The following ZBTB47 variants were observed in gnomAD, a reference collection of about 807,000 sequenced individuals.
ZBTB47 encodes the protein zinc finger and BTB domain-containing protein 47.
Under a neutral mutation model 56.6 loss-of-function variants are expected in ZBTB47, and 24 were observed. That is an observed-to-expected ratio of 0.42 (90% CI 0.31 to 0.60). The LOEUF is 0.60. Ranked by LOEUF, ZBTB47 falls within the 20% of genes least tolerant of loss-of-function variation. ZBTB47 has a pLI of 0.14. For synonymous variants in ZBTB47, 414 were observed against 418.9 expected (o/e 0.99, Z 0.14); for missense variants, 829 against 1,032.6 (o/e 0.80, Z 2.70).
In ZBTB47 at chr3:42,659,281, GCAGT is replaced by G. The variant is rs1559607067; in HGVS notation, c.930_933del (p.Ser310ArgfsTer118). ...GAGGAGGAGGAGGAGGAAGAGGGTG[GCAGT>G]CAGGGAGAAGAGGAAGAAGAGGAGG... On this transcript the variant is annotated frameshift_variant, in exon 2 of 6. Coordinates refer to ENST00000232974, the MANE Select transcript of ZBTB47 (RefSeq NM_145166.4). LOFTEE classifies it high-confidence loss of function. 6.0e-6 allele frequency: 9 copies of G among 1,505,060 alleles called. No individual in the cohort carries two copies. Among genetic ancestry groups the G allele is most frequent in the Non-Finnish European group, 8.0e-6 (9 of 1,120,464 alleles). 93.2% of individuals were successfully genotyped at this position (1,505,060 alleles called of 1,614,324 possible). A position where few individuals can be genotyped will look rare whatever the true frequency, so the allele number is the denominator to read the frequency against.
rs747535381 is a variant in ZBTB47 at position 42,664,461 on chromosome 3, A to T, written c.2107A>T (p.Thr703Ser). Residue 703 changes from threonine to serine, a missense_variant, in exon 6 of 6, where the codon ACC becomes TCC. Transcript: ENST00000232974. ...GVPAAPGLPP[T>S]QPQAHALPLL... is the part of the protein sequence containing the mutation. ...CCCCGCTGCCCCAGGCCTGCCCCCAACCCAGCCCCAGGCGCACGCACTGCC... is the reference window on the plus strand; with the variant it reads ...CCCCGCTGCCCCAGGCCTGCCCCCATCCCAGCCCCAGGCGCACGCACTGCC... 14 of 1,518,638 alleles carry T rather than the reference A, an allele frequency of 9.2e-6. No individual in the cohort carries two copies. The East Asian group carries it at 1.5e-4, about 16-fold the overall frequency. The allele number at this position is 1,518,638 out of a possible 1,614,324, so 94.1% of individuals were successfully genotyped here. A position where few individuals can be genotyped will look rare whatever the true frequency, so the allele number is the denominator to read the frequency against.
chr3:42,664,142 G>A, intron 5 of ZBTB47, 95 bp from the exon 6 acceptor site: 1 of 1,532,066 alleles, frequency 6.5e-7, no homozygotes, highest in South Asian at 1.3e-5. Flanking sequence ...GCCGGGGCTG[G>A]GCCCCACTAT....
intron 3 of ZBTB47, among the ~76,000 whole-genome samples, chr3:42,662,371 A>C (rs1240950792): frequency 1.3e-5 from 2 of 152,216 alleles, no homozygotes; most frequent in Non-Finnish European, 2.9e-5. Context: ...CCTGCGGCCT[A>C]GGTCTCAGCC....
At position 42,656,059 on chromosome 3, in the gene ZBTB47, TC is replaced by T. The variant is rs1280541333; in HGVS notation, c.-82+2181del. On this transcript the variant is annotated intron_variant, in intron 1 of 5. Transcript: ENST00000232974. This position sits in a 1 kb window ranked among gnomAD's most constrained non-coding sequence, Gnocchi z 5.8. ...GGGGCTCTGTTGCCTGGGGTGGACTTCCCCCAACAGGCCTGGCTTCAGCAAA... is the reference window on the plus strand; with the variant it reads ...GGGGCTCTGTTGCCTGGGGTGGACTTCCCCAACAGGCCTGGCTTCAGCAAA... Among the ~76,000 whole-genome samples, 1 of 151,990 alleles carries T rather than the reference TC, an allele frequency of 6.6e-6. No homozygotes were observed. Among genetic ancestry groups the T allele is most frequent in the African/African-American group, 2.4e-5 (1 of 41,366 alleles).
In ZBTB47 at chr3:42,661,651, GGGATGGAGCCAGA is replaced by G; in HGVS notation, c.1621+24_1621+36del. ...ATGGTTGGTAAGTCTGGGCCACTGGGGGATGGAGCCAGAGGATAGAGATGGACCAGCTTCTGGC... is the reference window on the plus strand; with the variant it reads ...ATGGTTGGTAAGTCTGGGCCACTGGGGGATAGAGATGGACCAGCTTCTGGC... On this transcript the variant is annotated intron_variant, in intron 3 of 5. Transcript: ENST00000232974. 1 of 1,613,192 alleles carries G rather than the reference GGGATGGAGCCAGA, an allele frequency of 6.2e-7. No homozygotes were observed. The highest frequency in any genetic ancestry group is 8.5e-7 in the Non-Finnish European group (1 of 1,179,536).
Position 42,664,627 on chromosome 3 carries a change from G to C in ZBTB47, c.*29G>C. The C allele has an allele frequency of 7.2e-7, 1 of 1,396,702 alleles. No homozygotes were observed. Among genetic ancestry groups the C allele is most frequent in the Non-Finnish European group, 9.2e-7 (1 of 1,088,028 alleles). The allele number at this position is 1,396,702 out of a possible 1,614,324, so 86.5% of individuals were successfully genotyped here. A position where few individuals can be genotyped will look rare whatever the true frequency, so the allele number is the denominator to read the frequency against. On this transcript the variant is annotated 3_prime_UTR_variant, in exon 6 of 6. Coordinates refer to ENST00000232974, the MANE Select transcript of ZBTB47 (RefSeq NM_145166.4). Reference sequence around the variant, plus strand: ...CCGAGCTGCACCCGTGCACCCGCTGGGGCCTGGAGTCAGGGCCCACTCCAG... The same window carrying C: ...CCGAGCTGCACCCGTGCACCCGCTGCGGCCTGGAGTCAGGGCCCACTCCAG...
Position 42,664,327 on chromosome 3 carries a change from A to T in ZBTB47, c.1973A>T (p.Lys658Met), listed in dbSNP as rs1320403852. Residue 658 changes from lysine (K) to methionine (M), a missense_variant, in exon 6 of 6, where the codon AAG becomes ATG. Lys to Met is a moderately conservative substitution (Grantham distance 95). Coordinates refer to ENST00000232974, the MANE Select transcript of ZBTB47 (RefSeq NM_145166.4). ...KRHRRTHTGE[K>M]PYPCDVCGQR... Reference sequence around the variant, plus strand: ...CACCGGCGCACGCACACGGGCGAGAAGCCGTACCCGTGCGACGTGTGTGGC... The same window carrying T: ...CACCGGCGCACGCACACGGGCGAGATGCCGTACCCGTGCGACGTGTGTGGC... The T allele has an allele frequency of 6.2e-6, 10 of 1,613,274 alleles. No homozygotes were observed. Among genetic ancestry groups the T allele is most frequent in the Non-Finnish European group, 8.5e-6 (10 of 1,179,742 alleles).
chr3:42,664,193 G>A, intron 5 of ZBTB47, 44 bp from the exon 6 acceptor site: 2 of 1,603,534 alleles, frequency 1.2e-6, no homozygotes, highest in Non-Finnish European at 1.7e-6. Flanking sequence ...ACTGGGGTGT[G>A]GCGACCCCTC....
At position 42,663,100 on chromosome 3, in the gene ZBTB47, C is replaced by T. The variant is rs765666998; in HGVS notation, c.1710C>T (p.His570=). ...CCCTCAAGGTGCACTCACTGCAGCACTCAGGGGAGAAGCCGTTCAGATGTG... is the reference window on the plus strand; with the variant it reads ...CCCTCAAGGTGCACTCACTGCAGCATTCAGGGGAGAAGCCGTTCAGATGTG... ...SMSLKVHSLQ[H]SGEKPFRCEN... Residue 570 remains histidine (H), a synonymous_variant, in exon 4 of 6, where the codon CAC becomes CAT. Coordinates refer to ENST00000232974, the MANE Select transcript of ZBTB47 (RefSeq NM_145166.4). This position sits in a 1 kb window ranked among gnomAD's most constrained non-coding sequence, Gnocchi z 5.1. The T allele has an allele frequency of 8.7e-6, 14 of 1,613,740 alleles. No homozygotes were observed. The Admixed American group carries it at 1.8e-4, about 21-fold the overall frequency.
chr3:42,658,323 G>C lies in ZBTB47; in HGVS notation c.-33G>C. 2 of 1,505,698 alleles carry C rather than the reference G, an allele frequency of 1.3e-6. No homozygotes were observed. Among genetic ancestry groups the C allele is most frequent in the Non-Finnish European group, 1.8e-6 (2 of 1,130,518 alleles). 93.3% of individuals were successfully genotyped at this position (1,505,698 alleles called of 1,614,324 possible). Reference sequence around the variant, plus strand: ...CTCCCCGGCGGCTGAGTTCTCGCTGGTGGAGGACGTGGCGCTGCACTTTGC... The same window carrying C: ...CTCCCCGGCGGCTGAGTTCTCGCTGCTGGAGGACGTGGCGCTGCACTTTGC... On this transcript the variant is annotated 5_prime_UTR_variant, in exon 2 of 6. Coordinates refer to ENST00000232974, the MANE Select transcript of ZBTB47 (RefSeq NM_145166.4).
In ZBTB47 at chr3:42,663,468, G is replaced by C. The variant is rs1710746305; in HGVS notation, c.1738-329G>C. 6.6e-6 allele frequency among the ~76,000 whole-genome samples: 1 copy of C among 152,096 alleles called. No homozygotes were observed. Among genetic ancestry groups the C allele is most frequent in the South Asian group, 2.1e-4 (1 of 4,822 alleles). ...CAGATGAGACAACAGAGCTGCAGGT[G>C]GGGAGGTGGGGGCAGGGGCTGGGCG... On this transcript the variant is annotated intron_variant, in intron 4 of 5. Transcript: ENST00000232974. The surrounding 1 kb of genome is among the most constrained non-coding windows in gnomAD (Gnocchi z 5.1).
chr3:42,659,205 G>C lies in ZBTB47; in HGVS notation c.850G>C (p.Glu284Gln), dbSNP rs138358868. 6.8e-7 allele frequency: 1 copy of C among 1,479,246 alleles called. No homozygotes were observed. The allele number at this position is 1,479,246 out of a possible 1,614,324, so 91.6% of individuals were successfully genotyped here. ...RHSDEEEEDD[E>Q]EEEEEEEEEE... is the part of the protein sequence containing the mutation. Reference sequence around the variant, plus strand: ...CTCGGACGAGGAGGAGGAGGACGACGAGGAGGAGGAGGAGGAAGAAGAGGA... The same window carrying C: ...CTCGGACGAGGAGGAGGAGGACGACCAGGAGGAGGAGGAGGAAGAAGAGGA... Residue 284 changes from glutamate to glutamine, a missense_variant, in exon 2 of 6, where the codon GAG becomes CAG. Physicochemically the swap from Glu to Gln is conservative, Grantham distance 29. Coordinates refer to ENST00000232974, the MANE Select transcript of ZBTB47 (RefSeq NM_145166.4).
Position 42,659,390 on chromosome 3 carries a change from TGAGGAGGAG to T in ZBTB47, c.1040_1048del (p.Glu347_Glu349del). 4 of 966,560 alleles carry T rather than the reference TGAGGAGGAG, an allele frequency of 4.1e-6. No homozygotes were observed. The South Asian group carries it at 8.3e-5, about 20-fold the overall frequency. The allele number at this position is 966,560 out of a possible 1,614,324, so 59.9% of individuals were successfully genotyped here. A position where few individuals can be genotyped will look rare whatever the true frequency, so the allele number is the denominator to read the frequency against. On this transcript the variant is annotated inframe_deletion, in exon 2 of 6. Coordinates refer to ENST00000232974, the MANE Select transcript of ZBTB47 (RefSeq NM_145166.4). ...CTAGTGAGCAGGATCAAGAGAGCTCTGAGGAGGAGGAGGGGGAGGAGGGGGAGGCTGGGG... is the reference window on the plus strand; with the variant it reads ...CTAGTGAGCAGGATCAAGAGAGCTCTGAGGGGGAGGAGGGGGAGGCTGGGG...
intron 2 of ZBTB47, among the ~76,000 whole-genome samples, chr3:42,660,978 A>T (rs1710709152): frequency 6.6e-6 from 1 of 152,110 alleles, no homozygotes; most frequent in Non-Finnish European, 1.5e-5. Flanking sequence ...GCCTGATGGG[A>T]CCTTGAGCCT....
In ZBTB47 at chr3:42,654,858, G is replaced by T. The variant is rs536194833; in HGVS notation, c.-82+975G>T. ...GGGTCCCGCGGGCCGGGAATGCGGC[G>T]CTGTGGCGCTGCTCTCGGTGGGGAG... On this transcript the variant is annotated intron_variant, in intron 1 of 5. Coordinates refer to ENST00000232974, the MANE Select transcript of ZBTB47 (RefSeq NM_145166.4). This position sits in a 1 kb window ranked among gnomAD's most constrained non-coding sequence, Gnocchi z 5.0. Among the ~76,000 whole-genome samples the T allele has an allele frequency of 6.6e-6, 1 of 152,042 alleles. No homozygotes were observed. Among genetic ancestry groups the T allele is most frequent in the Admixed American group, 6.5e-5 (1 of 15,290 alleles).
intron 1 of ZBTB47, among the ~76,000 whole-genome samples, chr3:42,655,342 C>T (rs1559605841): frequency 6.6e-6 from 1 of 152,102 alleles, no homozygotes; most frequent in South Asian, 2.1e-4. Context: ...AGATGGACTC[C>T]CCAGGTTTCA....
At position 42,667,431 on chromosome 3, in the gene ZBTB47, G is replaced by A. The variant is rs1238596686; in HGVS notation, c.*2833G>A. 6.6e-6 allele frequency among the ~76,000 whole-genome samples: 1 copy of A among 152,240 alleles called. No homozygotes were observed. Among genetic ancestry groups the A allele is most frequent in the Non-Finnish European group, 1.5e-5 (1 of 68,044 alleles). On this transcript the variant is annotated 3_prime_UTR_variant, in exon 6 of 6. Transcript: ENST00000232974. ...TAGTCTCCACGGTGCCCTTCACAGA[G>A]GGCTTGGTAGTGGCAGAATGGCCAT... is the stretch of plus-strand genomic sequence containing the variant.
Position 42,664,362 on chromosome 3 carries a change from C to T in ZBTB47, c.2008C>T (p.Arg670Cys), listed in dbSNP as rs867746083. 1.2e-6 allele frequency: 2 copies of T among 1,611,076 alleles called. No individual in the cohort carries two copies. Among genetic ancestry groups the T allele is most frequent in the Non-Finnish European group, 1.7e-6 (2 of 1,178,840 alleles). The change falls in exon 6 of 6, where the codon CGC (arginine) becomes TGC (cysteine). Residue 670 changes from arginine to cysteine, a missense_variant. Coordinates refer to ENST00000232974, the MANE Select transcript of ZBTB47 (RefSeq NM_145166.4). ...YPCDVCGQRF[R>C]FSNMLKAHKE... ...GTGCGACGTGTGTGGCCAGCGCTTC[C>T]GCTTCTCCAACATGCTCAAGGCCCA...
At chr3:42,660,777 G>A (rs937276581) in intron 2 of ZBTB47, among the ~76,000 whole-genome samples, 2 of 152,206 alleles carry the variant, frequency 1.3e-5, no homozygotes, top group African/African-American at 4.8e-5. Flanking sequence ...TCTAACTGCT[G>A]CGCACCTGAG....
Sources: allele counts gnomAD v4.1 joint callset (sites outside exome capture counted in the v4.1 genomes callset), GRCh38; gene constraint gnomAD v4.1.1; non-coding constraint Gnocchi (gnomAD v3.1); transcripts MANE v1.5; gene names NCBI Gene and HGNC (gene_info 2026-07-23, HGNC 2026-07-21).